The following WWTR1 variants were observed in gnomAD, a reference collection of about 807,000 sequenced individuals.
WWTR1 encodes WW domain containing transcription regulator 1, also known as WW domain-containing transcription regulator protein 1.
Under a neutral mutation model 40.1 loss-of-function variants are expected in WWTR1, and 13 were observed. That is an observed-to-expected ratio of 0.32 (90% CI 0.21 to 0.52). The LOEUF (loss-of-function observed/expected upper bound fraction) is 0.52, where lower values mean the gene tolerates loss of function less well. Among genes scored for constraint, WWTR1 ranks in the 20% least tolerant of loss-of-function variants. WWTR1 has a pLI of 0.97. For synonymous variants in WWTR1, 230 were observed against 210.1 expected, an observed-to-expected ratio of 1.09 and a Z score of -0.82; for missense variants, 436 against 523.1, an observed-to-expected ratio of 0.83 and a Z score of 1.63.
chr3:149,658,709 G>T (rs1339797327), upstream of WWTR1: 1 of 152,304 alleles, frequency 6.6e-6, no homozygotes, highest in East Asian at 1.9e-4. Context: ...TCGCCAACGG[G>T]TGGGTTGTAA....
intron 2 of WWTR1, among the ~76,000 whole-genome samples, chr3:149,601,995 G>C (rs1739267965): frequency 6.6e-6 from 1 of 152,168 alleles, no homozygotes; most frequent in African/African-American, 2.4e-5. Flanking sequence ...GTTGTGGAAA[G>C]TCTTATTTCT....
chr3:149,698,375 C>T (rs1715061065), intron 1 of WWTR1, among the ~76,000 whole-genome samples: 1 of 152,230 alleles, frequency 6.6e-6, no homozygotes, highest in Non-Finnish European at 1.5e-5. Flanking sequence ...GTAAGACGTG[C>T]CTGTTTCACT....
rs1734837037 is a variant in WWTR1 at position 149,517,428 on chromosome 3, A to G, written c.*3377T>C. On this transcript the variant is annotated 3_prime_UTR_variant, in exon 7 of 7. Coordinates refer to ENST00000360632, the MANE Select transcript of WWTR1 (RefSeq NM_015472.6). ...AATTTTAAAAAGTTAAAGTACTAGC[A>G]CATATATGTGTTAGGAAAATGGTCT... is the stretch of plus-strand genomic sequence containing the variant. 1 of 152,238 alleles carries G rather than the reference A, an allele frequency of 6.6e-6. No homozygotes were observed. The highest frequency in any genetic ancestry group is 2.4e-5 in the African/African-American group (1 of 41,460). 9.4% of individuals were successfully genotyped at this position (152,238 alleles called of 1,614,324 possible).
intron 5 of WWTR1, among the ~76,000 whole-genome samples, chr3:149,711,208 G>A (rs1208134747): frequency 1.3e-5 from 2 of 149,814 alleles, no homozygotes; most frequent in Non-Finnish European, 3.0e-5. Context: ...GCTTGTGCCT[G>A]TAATCCCAGC....
At chr3:149,619,842 C>T (rs1029717840) in intron 2 of WWTR1, among the ~76,000 whole-genome samples, 1 of 152,136 alleles carries the variant, frequency 6.6e-6, no homozygotes, top group African/African-American at 2.4e-5. Flanking sequence ...GGTTAATCCT[C>T]GCACAGGCTG....
intron 4 of WWTR1, among the ~76,000 whole-genome samples, chr3:149,529,346 C>T (rs951708497): frequency 2.0e-5 from 3 of 151,984 alleles, no homozygotes; most frequent in Non-Finnish European, 1.5e-5. Context: ...GTGAAGTCAT[C>T]GGCTATAAAA....
At chr3:149,583,768 C>A (rs1175966703) in intron 2 of WWTR1, among the ~76,000 whole-genome samples, 1 of 152,140 alleles carries the variant, frequency 6.6e-6, no homozygotes, top group Non-Finnish European at 1.5e-5. Flanking sequence ...TGATGAGTGC[C>A]TGTAATACCT....
chr3:149,557,021 A>C (rs1736858550), intron 3 of WWTR1, among the ~76,000 whole-genome samples: 1 of 145,742 alleles, frequency 6.9e-6, no homozygotes, highest in Non-Finnish European at 1.5e-5. Flanking sequence ...ACTATAGAAA[A>C]CTTCCCCATA....
rs574015716 is a variant in WWTR1 at position 149,654,708 on chromosome 3, G to A, written c.431+2168C>T. On this transcript the variant is annotated intron_variant, in intron 2 of 6. Transcript: ENST00000360632. ...TTGCTTTTGTTTCAGGGTCTTTTTC[G>A]TCTAGTTTTCCTCAGATATTAGGCA... is the stretch of plus-strand genomic sequence containing the variant. 1.2e-4 allele frequency among the ~76,000 whole-genome samples: 18 copies of A among 152,196 alleles called. No homozygotes were observed. In the South Asian group the frequency reaches 2.7e-3, roughly 23 times the overall value.
chr3:149,526,997 A>G (rs1433707400), intron 5 of WWTR1, among the ~76,000 whole-genome samples: 1 of 152,220 alleles, frequency 6.6e-6, no homozygotes, highest in Admixed American at 6.5e-5. Context: ...AAGAGTACAG[A>G]GCGTTCCCAT....
At chr3:149,619,281 C>T (rs895880642) in intron 2 of WWTR1, among the ~76,000 whole-genome samples, 10 of 152,090 alleles carry the variant, frequency 6.6e-5, no homozygotes, top group Non-Finnish European at 1.3e-4. Context: ...CAACTCTTCA[C>T]GCTGACAGGA....
intron 2 of WWTR1, among the ~76,000 whole-genome samples, chr3:149,610,333 A>G (rs1321678291): frequency 6.6e-6 from 1 of 152,268 alleles, no homozygotes; most frequent in Admixed American, 6.5e-5. Context: ...TCCTCTACCA[A>G]TGTACAAAAC....
chr3:149,694,159 C>T (rs896039990), intron 1 of WWTR1, among the ~76,000 whole-genome samples: 1 of 152,104 alleles, frequency 6.6e-6, no homozygotes, highest in African/African-American at 2.4e-5. Flanking sequence ...TTTGGGAGGC[C>T]GAGGCAGGTG....
intron 1 of WWTR1, 87 bp from the exon 2 acceptor site, chr3:149,657,396 G>C (rs1306651704): frequency 7.1e-7 from 1 of 1,408,298 alleles, no homozygotes; most frequent in Non-Finnish European, 9.4e-7. Flanking sequence ...GAGATGGTGG[G>C]AGAAAGAATA....
chr3:149,622,464 A>G (rs1740325059), intron 2 of WWTR1, among the ~76,000 whole-genome samples: 1 of 84,588 alleles, frequency 1.2e-5, no homozygotes, highest in African/African-American at 4.1e-5. Context: ...GAAGGAAGGA[A>G]GGAAGGAAGG....
chr3:149,588,319 CA>C (rs1468120401), intron 2 of WWTR1, among the ~76,000 whole-genome samples: 1 of 152,172 alleles, frequency 6.6e-6, no homozygotes, highest in Non-Finnish European at 1.5e-5. Context: ...GCAGCGGAGC[CA>C]GCAAACCAGC....
At chr3:149,542,620 T>C (rs1736168324) in intron 3 of WWTR1, 83 bp from the exon 4 acceptor site, 3 of 1,389,592 alleles carry the variant, frequency 2.2e-6, no homozygotes, top group Admixed American at 4.9e-5. Flanking sequence ...GTTTTCTGCT[T>C]TGGAGTATAG....
chr3:149,612,942 A>G (rs2108070906), intron 2 of WWTR1, among the ~76,000 whole-genome samples: 2 of 152,314 alleles, frequency 1.3e-5, no homozygotes, highest in Admixed American at 1.3e-4. Context: ...AAGCCTGTCT[A>G]GAGTCCTCTA....
chr3:149,611,805 T>A (rs959273973), intron 2 of WWTR1, among the ~76,000 whole-genome samples: 2 of 152,220 alleles, frequency 1.3e-5, no homozygotes, highest in Non-Finnish European at 2.9e-5. Context: ...ATTCCCCTTT[T>A]CTCTAGCTTC....
Sources: allele counts gnomAD v4.1 joint callset (sites outside exome capture counted in the v4.1 genomes callset), GRCh38; gene constraint gnomAD v4.1.1; transcripts MANE v1.5; gene names NCBI Gene and HGNC (gene_info 2026-07-23, HGNC 2026-07-21).